The following MACF1 variants were observed in gnomAD, a reference collection of about 807,000 sequenced individuals.
MACF1 encodes the protein microtubule actin crosslinking factor 1.
In MACF1, 193 loss-of-function variants were observed where a neutral mutation model predicts 854.8. The observed-to-expected ratio is 0.23, with a 90% CI of 0.20 to 0.25. The LOEUF (loss-of-function observed/expected upper bound fraction) is 0.25. Among genes scored for constraint, MACF1 ranks in the 10% least tolerant of loss-of-function variants. The pLI is 1.00. For synonymous variants in MACF1, 3,185 were observed against 3,226.7 expected, an observed-to-expected ratio of 0.99 and a Z score of 0.44; for missense variants, 7,722 against 8,929.1, an observed-to-expected ratio of 0.86 and a Z score of 5.45.
chr1:39,401,969 T>C (rs1642490619), intron 58 of MACF1, among the ~76,000 whole-genome samples: 2 of 152,330 alleles, frequency 1.3e-5, no homozygotes, highest in South Asian at 4.1e-4. Context: ...CCCAGCACTT[T>C]GGGAGGCCAA....
intron 55 of MACF1, among the ~76,000 whole-genome samples, chr1:39,380,599 T>C (rs1650096173): frequency 6.6e-6 from 1 of 152,124 alleles, no homozygotes; most frequent in African/African-American, 2.4e-5. Flanking sequence ...AAACTGGTAA[T>C]CTACTGTGAT....
At position 39,300,219 on chromosome 1, in the gene MACF1, G is replaced by A. The variant is rs567729608; in HGVS notation, c.2491G>A (p.Glu831Lys). Reference sequence around the variant, plus strand: ...TCTTATCATTTTGTAGGATGAAAAGGAGCAGCTTATACAGTCCAAGAGTTC... The same window carrying A: ...TCTTATCATTTTGTAGGATGAAAAGAAGCAGCTTATACAGTCCAAGAGTTC... ...DLLQDSMDEK[E>K]QLIQSKSSVA... Residue 831 changes from glutamate (E) to lysine (K), a missense_variant, in exon 22 of 101, where the codon GAG becomes AAG. Around this residue, in one of 15 missense-constraint regions of MACF1, gnomAD observed 1,137 missense variants for 1,263.0 expected, o/e 0.90. Coordinates refer to ENST00000564288, the MANE Select transcript of MACF1 (RefSeq NM_001394062.1). The A allele has an allele frequency of 6.2e-7, 1 of 1,611,260 alleles. No individual in the cohort carries two copies. Among genetic ancestry groups the A allele is most frequent in the South Asian group, 1.1e-5 (1 of 90,382 alleles).
chr1:39,429,695 A>T lies in MACF1; in HGVS notation c.16889-132A>T. On this transcript the variant is annotated intron_variant, in intron 64 of 100. Coordinates refer to ENST00000564288, the MANE Select transcript of MACF1 (RefSeq NM_001394062.1). ...ATTTCCCATTTGCCCTTAGTATGGG[A>T]TAGGTGAAATCATTACCACAGAGAG... 3.4e-6 allele frequency: 3 copies of T among 871,578 alleles called. No homozygotes were observed. In the Admixed American group the frequency reaches 7.0e-5, roughly 20 times the overall value. 54.0% of individuals were successfully genotyped at this position (871,578 alleles called of 1,614,324 possible).
rs1644133948 is a variant in MACF1, at chr1:39,442,213, A to G, written c.18841A>G (p.Met6281Val). 1 of 1,608,364 alleles carries G rather than the reference A, an allele frequency of 6.2e-7. No individual in the cohort carries two copies. Residue 6281 changes from methionine (M) to valine (V), a missense_variant, in exon 76 of 101, where the codon ATG (methionine) becomes GTG (valine). This residue lies in a region of MACF1 where 2,807 missense variants were observed against 3,235.8 expected (regional missense o/e 0.87). Transcript: ENST00000564288. Reference sequence around the variant, plus strand: ...GAAGCTTAATCACCAGGGTGAACTGATGTTAAAGAAAGCTACTGATGAGAC... The same window carrying G: ...GAAGCTTAATCACCAGGGTGAACTGGTGTTAAAGAAAGCTACTGATGAGAC... ...MEKLNHQGEL[M>V]LKKATDETDR...
chr1:39,371,955 G>A (rs2490946), intron 51 of MACF1, among the ~76,000 whole-genome samples: 61,008 of 151,466 alleles, frequency 0.4, 14,361 homozygotes, highest in African/African-American at 0.66. Context: ...CTGGGATTAC[G>A]GGTGCCTGCC....
chr1:39,315,208 C>G (rs1277575546), intron 26 of MACF1, among the ~76,000 whole-genome samples: 2 of 152,136 alleles, frequency 1.3e-5, no homozygotes, highest in African/African-American at 4.8e-5. Flanking sequence ...TAAACATATA[C>G]ACATATATTT....
chr1:39,326,774 A>G (rs903276386), intron 35 of MACF1, among the ~76,000 whole-genome samples: 4 of 152,122 alleles, frequency 2.6e-5, no homozygotes, highest in African/African-American at 9.7e-5. Flanking sequence ...CTGGATAGCT[A>G]GACAACAGGT....
At position 39,309,609 on chromosome 1, in the gene MACF1, T is replaced by A; in HGVS notation, c.2829T>A (p.His943Gln). The part of the protein sequence containing the change: ...QSYQKVMALW[H>Q]QLHVNTKSLI... Reference sequence around the variant, plus strand: ...ATCAGAAGGTTATGGCCCTTTGGCATCAGCTGCATGTTAACACCAAAAGCC... The same window carrying A: ...ATCAGAAGGTTATGGCCCTTTGGCAACAGCTGCATGTTAACACCAAAAGCC... The change falls in exon 24 of 101, where the codon CAT (histidine) becomes CAA (glutamine). Residue 943 changes from histidine (H) to glutamine (Q), a missense_variant. By Grantham distance (24) the His-to-Gln change is conservative (BLOSUM62 0). Transcript: ENST00000564288. The A allele has an allele frequency of 1.2e-6, 2 of 1,614,214 alleles. No homozygotes were observed. Among genetic ancestry groups the A allele is most frequent in the Non-Finnish European group, 1.7e-6 (2 of 1,180,020 alleles).
chr1:39,117,531 G>GA (rs71578159), intron 2 of MACF1, among the ~76,000 whole-genome samples: 4 of 95,360 alleles, frequency 4.2e-5, no homozygotes, highest in Non-Finnish European at 8.8e-5. Context: ...CAACCTGCAA[G>GA]AGGTGTGTGT....
chr1:39,332,906 A>G lies in MACF1; in HGVS notation c.6318A>G (p.Gln2106=). 1.9e-6 allele frequency: 3 copies of G among 1,614,144 alleles called. No homozygotes were observed. Among genetic ancestry groups the G allele is most frequent in the Non-Finnish European group, 2.5e-6 (3 of 1,180,028 alleles). ...TAAATAAAGTCAAATTAGAGGTACA[A>G]AGGCAGTTGATAGGTACCCAAAGGG... ...KVINKVKLEV[Q]RQLIGTQRED... is the part of the protein sequence containing the mutation. The change falls in exon 37 of 101, where the codon CAA becomes CAG. Residue 2106 remains glutamine (Q), a synonymous_variant. Transcript: ENST00000564288.
intron 52 of MACF1, 157 bp downstream of exon 52, chr1:39,372,753 C>T (rs911775821): frequency 1.6e-5 from 10 of 612,258 alleles, no homozygotes; most frequent in Non-Finnish European, 2.9e-5. Context: ...GACCTGTCAC[C>T]CCTTTTGCTA....
chr1:39,264,356 A>G (rs191558562), intron 6 of MACF1, among the ~76,000 whole-genome samples: 12 of 152,242 alleles, frequency 7.9e-5, no homozygotes, highest in Admixed American at 7.8e-4. Flanking sequence ...AACATTTACT[A>G]CTATTTGACA....
At chr1:39,130,611 C>A (rs992833323) in intron 2 of MACF1, among the ~76,000 whole-genome samples, 2 of 152,130 alleles carry the variant, frequency 1.3e-5, no homozygotes, top group African/African-American at 2.4e-5. Context: ...CTCAAGAGTT[C>A]TCTTCTATTG....
intron 68 of MACF1, among the ~76,000 whole-genome samples, chr1:39,433,947 G>A (rs1643918825): frequency 6.6e-6 from 1 of 152,140 alleles, no homozygotes; most frequent in Admixed American, 6.6e-5. Context: ...GGATGTGGCA[G>A]TGGGAACCTG....
At chr1:39,175,802 A>G (rs1644015054) in intron 2 of MACF1, among the ~76,000 whole-genome samples, 1 of 151,370 alleles carries the variant, frequency 6.6e-6, no homozygotes, top group Admixed American at 6.6e-5. Flanking sequence ...AAAATACAAA[A>G]ATTAGCCGGG....
chr1:39,414,094 C>T (rs375334901), intron 58 of MACF1: 77 of 1,603,504 alleles, frequency 4.8e-5, no homozygotes, highest in Non-Finnish European at 6.1e-5. Flanking sequence ...AGTGCCCACC[C>T]CCGAGGAGCC....
intron 96 of MACF1, 46 bp from the exon 97 acceptor site, chr1:39,469,501 T>A: frequency 6.9e-7 from 1 of 1,439,038 alleles, no homozygotes; most frequent in Non-Finnish European, 9.6e-7. Flanking sequence ...GTTTCTGCGT[T>A]TCCTGCCCTG....
intron 94 of MACF1, 124 bp downstream of exon 94, chr1:39,463,810 C>T: frequency 2.6e-6 from 2 of 782,576 alleles, no homozygotes; most frequent in East Asian, 5.5e-5. Flanking sequence ...ACTCTCTGAC[C>T]TCATCTCTAT....
At chr1:39,251,247 T>A (rs1645037407) in intron 3 of MACF1, among the ~76,000 whole-genome samples, 2 of 152,206 alleles carry the variant, frequency 1.3e-5, no homozygotes, top group Admixed American at 1.3e-4. Flanking sequence ...TTTATTAGCA[T>A]AGCCGGCACA....
Sources: gnomAD v4.1 joint callset for allele counts (sites outside exome capture counted in the v4.1 genomes callset) on GRCh38, gnomAD v4.1.1 for gene constraint, gnomAD v4.1.1 regional missense constraint, MANE v1.5 for transcripts, NCBI Gene and HGNC (gene_info 2026-07-23, HGNC 2026-07-21) for gene names.